The following PTPRM variants were observed in gnomAD, a reference collection of about 807,000 sequenced individuals.
PTPRM encodes the protein receptor-type tyrosine-protein phosphatase mu.
In PTPRM, 47 loss-of-function variants were observed where a neutral mutation model predicts 186.7. The observed-to-expected ratio is 0.25, with a 90% CI of 0.20 to 0.32. PTPRM has a LOEUF of 0.32. PTPRM is among the 10% of genes least tolerant of loss of function. PTPRM has a pLI of 1.00. For missense variants in PTPRM, 1,494 were observed against 1,865.0 expected, an observed-to-expected ratio of 0.80 and a Z score of 3.66; for synonymous variants, 668 against 674.9, an observed-to-expected ratio of 0.99 and a Z score of 0.16.
intron 24 of PTPRM, among the ~76,000 whole-genome samples, chr18:8,372,794 C>T (rs937163093): frequency 4.0e-5 from 6 of 150,886 alleles, no homozygotes; most frequent in Non-Finnish European, 5.9e-5. Flanking sequence ...CGCATTAAAA[C>T]AGCGATAAAA....
At chr18:8,153,992 C>G (rs2093066960) in intron 14 of PTPRM, among the ~76,000 whole-genome samples, 1 of 152,186 alleles carries the variant, frequency 6.6e-6, no homozygotes, top group Non-Finnish European at 1.5e-5. Context: ...ACTGGTGACA[C>G]TACTACGCAT....
intron 2 of PTPRM, among the ~76,000 whole-genome samples, chr18:7,876,165 C>T (rs965657793): frequency 4.0e-5 from 6 of 151,628 alleles, no homozygotes; most frequent in East Asian, 1.9e-4. Context: ...AAATTCAAAA[C>T]GTCTGTATTG....
chr18:7,775,562 A>G lies in PTPRM; in HGVS notation c.196+1291A>G, dbSNP rs114161105. On this transcript the variant is annotated intron_variant, in intron 2 of 32. Transcript: ENST00000580170. ...TGGTCTTTCCTGCCCTCTCAAGAGG[A>G]TCCAGCCTGTGTCCAGAGAGGCTGG... Among the ~76,000 whole-genome samples, 1,162 of 152,228 alleles carry G rather than the reference A, an allele frequency of 7.6e-3. 17 individuals carry two copies. The highest frequency in any genetic ancestry group is 0.026 in the African/African-American group (1,066 of 41,542).
chr18:8,299,727 A>G (rs962834107), intron 20 of PTPRM, among the ~76,000 whole-genome samples: 2 of 152,188 alleles, frequency 1.3e-5, no homozygotes, highest in African/African-American at 2.4e-5. Flanking sequence ...GGCCAATCTC[A>G]GTCTCAGTTC....
intron 7 of PTPRM, among the ~76,000 whole-genome samples, chr18:7,976,961 G>A (rs1022473273): frequency 6.6e-6 from 1 of 151,432 alleles, no homozygotes; most frequent in South Asian, 2.1e-4. Context: ...AATAAAAAAG[G>A]TTGATTGTGA....
chr18:7,678,337 C>G (rs1469374392), intron 1 of PTPRM, among the ~76,000 whole-genome samples: 1 of 152,160 alleles, frequency 6.6e-6, no homozygotes, highest in East Asian at 1.9e-4. Flanking sequence ...GCACCCTCTT[C>G]CATTCTTAAA....
At chr18:7,628,014 T>C (rs981629500) in intron 1 of PTPRM, among the ~76,000 whole-genome samples, 1 of 152,196 alleles carries the variant, frequency 6.6e-6, no homozygotes, top group Non-Finnish European at 1.5e-5. Context: ...GAAGAATTTT[T>C]AGATGGCCAC....
intron 7 of PTPRM, among the ~76,000 whole-genome samples, chr18:8,019,411 A>G (rs1336253801): frequency 6.6e-6 from 1 of 152,210 alleles, no homozygotes; most frequent in Non-Finnish European, 1.5e-5. Flanking sequence ...TGTAAAAAGC[A>G]GTGTTCTTCT....
Position 8,394,647 on chromosome 18 carries a change from C to T in PTPRM, c.4344+36C>T, listed in dbSNP as rs369663624. On this transcript the variant is annotated intron_variant, in intron 32 of 32. Coordinates refer to ENST00000580170, the MANE Select transcript of PTPRM (RefSeq NM_001105244.2). ...CCCTCTGAGCTGTTCCATGAGACAC[C>T]CCATTAGCATTAGAATCCACTCCAG... 28 of 1,544,030 alleles carry T rather than the reference C, an allele frequency of 1.8e-5. No homozygotes were observed. In the African/African-American group the frequency reaches 2.1e-4, roughly 11 times the overall value.
intron 1 of PTPRM, among the ~76,000 whole-genome samples, chr18:7,593,879 A>G (rs1204409920): frequency 6.6e-6 from 1 of 152,180 alleles, no homozygotes. Context: ...CAGTTTACAA[A>G]TGTGGAGACC....
At chr18:8,326,435 T>C (rs1422379167) in intron 22 of PTPRM, among the ~76,000 whole-genome samples, 1 of 152,180 alleles carries the variant, frequency 6.6e-6, no homozygotes, top group East Asian at 1.9e-4. Context: ...AAAAAACTAT[T>C]TTAAAATTCA....
At chr18:7,577,558 T>C (rs972672957) in intron 1 of PTPRM, among the ~76,000 whole-genome samples, 6 of 152,216 alleles carry the variant, frequency 3.9e-5, no homozygotes, top group Admixed American at 2.6e-4. Flanking sequence ...AACATCAGGC[T>C]CATCTTCATT....
chr18:7,879,463 A>C (rs541591875), intron 2 of PTPRM, among the ~76,000 whole-genome samples: 1 of 152,330 alleles, frequency 6.6e-6, no homozygotes, highest in African/African-American at 2.4e-5. Context: ...AATAGGTCCA[A>C]GTTTGTCTCG....
chr18:7,909,763 C>T (rs948884939), intron 4 of PTPRM, among the ~76,000 whole-genome samples: 2 of 135,072 alleles, frequency 1.5e-5, no homozygotes. Flanking sequence ...AGCATTACAA[C>T]ATTTTTTAAT....
chr18:7,768,333 G>GA (rs914150218), intron 1 of PTPRM, among the ~76,000 whole-genome samples: 2 of 151,274 alleles, frequency 1.3e-5, no homozygotes, highest in East Asian at 1.9e-4. Flanking sequence ...TCTATCAAAG[G>GA]AAAAAAAAAT....
intron 2 of PTPRM, among the ~76,000 whole-genome samples, chr18:7,867,076 T>G (rs902789153): frequency 6.6e-6 from 1 of 152,228 alleles, no homozygotes; most frequent in Non-Finnish European, 1.5e-5. Context: ...CCCTTTATTT[T>G]GAGCCTATGT....
At chr18:7,980,170 A>G (rs1238025638) in intron 7 of PTPRM, among the ~76,000 whole-genome samples, 1 of 152,108 alleles carries the variant, frequency 6.6e-6, no homozygotes, top group Non-Finnish European at 1.5e-5. Context: ...TTTTGGCCAG[A>G]AACCTGAATT....
chr18:8,394,362 A>T, intron 31 of PTPRM, 114 bp from the exon 32 acceptor site: 1 of 1,224,664 alleles, frequency 8.2e-7, no homozygotes, highest in South Asian at 1.8e-5. Context: ...CCCCGGCCTC[A>T]GAGCCCTTTG....
At chr18:8,099,107 G>GCA (rs144615554) in intron 11 of PTPRM, among the ~76,000 whole-genome samples, 12 of 151,300 alleles carry the variant, frequency 7.9e-5, no homozygotes, top group Admixed American at 2.6e-4. Flanking sequence ...TGTCCTGCCT[G>GCA]CACACACACA....
Sources: gnomAD v4.1 joint callset for allele counts (sites outside exome capture counted in the v4.1 genomes callset) on GRCh38, gnomAD v4.1.1 for gene constraint, MANE v1.5 for transcripts, NCBI Gene and HGNC (gene_info 2026-07-23, HGNC 2026-07-21) for gene names.